ARF4: variants seen among roughly 807,000 people sequenced by gnomAD.
ARF4 encodes the protein ARF GTPase 4.
A neutral mutation model predicts 24.3 loss-of-function variants in ARF4; 5 were observed. The ratio of observed to expected loss-of-function variants is 0.21; its 90% confidence interval spans 0.11 to 0.43. ARF4 has a LOEUF of 0.43. ARF4 is among the 20% of genes least tolerant of loss of function. The pLI is 1.00. For missense variants in ARF4, 107 were observed against 213.0 expected (o/e 0.50, Z 3.10); for synonymous variants, 62 against 73.5 (o/e 0.84, Z 0.80).
intron 3 of ARF4, among the ~76,000 whole-genome samples, chr3:57,581,361 G>A (rs1213888635): frequency 6.6e-6 from 1 of 152,116 alleles, no homozygotes; most frequent in Non-Finnish European, 1.5e-5. Flanking sequence ...GTCCAAAGAG[G>A]CCAGAATTGG....
intron 4 of ARF4, 135 bp downstream of exon 4, chr3:57,577,181 T>C (rs1056726764): frequency 8.3e-6 from 6 of 726,958 alleles, no homozygotes; most frequent in Non-Finnish European, 1.4e-5. Context: ...GTGGATAATA[T>C]AGTTTCTTAA....
Position 57,597,329 on chromosome 3 carries a change from G to A in ARF4, c.-189C>T, listed in dbSNP as rs909496106. The A allele has an allele frequency of 5.7e-5, 31 of 539,704 alleles. 1 individual carries two copies. In the Admixed American group the frequency reaches 7.4e-4, roughly 13 times the overall value. The allele number at this position is 539,704 out of a possible 1,614,324, so 33.4% of individuals were successfully genotyped here. A position where few individuals can be genotyped will look rare whatever the true frequency, so the allele number is the denominator to read the frequency against. On this transcript the variant is annotated 5_prime_UTR_variant, in exon 1 of 6. Transcript: ENST00000303436. The stretch of plus-strand genomic sequence containing the variant: ...CCGGCACAGGAATAAGCCGGTAGAG[G>A]ACCTGCTAGGCGACTGGCGCGGCAG...
intron 1 of ARF4, among the ~76,000 whole-genome samples, chr3:57,589,843 A>C (rs2070086790): frequency 6.6e-6 from 1 of 152,090 alleles, no homozygotes. Context: ...CTGAAATCCC[A>C]GCACTTTAGG....
intron 4 of ARF4, among the ~76,000 whole-genome samples, chr3:57,576,459 T>TA (rs1391809724): frequency 2.0e-5 from 3 of 151,488 alleles, no homozygotes; most frequent in Admixed American, 6.6e-5. Flanking sequence ...TATGCACATT[T>TA]AAAAAGGATG....
In ARF4 at chr3:57,582,287, T is replaced by C. The variant is rs1297600519; in HGVS notation, c.258+1611A>G. On this transcript the variant is annotated intron_variant, in intron 3 of 5. Coordinates refer to ENST00000303436, the MANE Select transcript of ARF4 (RefSeq NM_001660.4). ...AGACAGAGTCTCGCTTTGTCACCCATGCTGGAGTGCAATGGTGTGATCTCG... is the reference window on the plus strand; with the variant it reads ...AGACAGAGTCTCGCTTTGTCACCCACGCTGGAGTGCAATGGTGTGATCTCG... Among the ~76,000 whole-genome samples the C allele has an allele frequency of 2.6e-5, 4 of 152,102 alleles. No homozygotes were observed. The East Asian group carries it at 7.7e-4, about 29-fold the overall frequency.
chr3:57,578,893 G>GTA (rs1559783644), intron 3 of ARF4, among the ~76,000 whole-genome samples: 15 of 151,710 alleles, frequency 9.9e-5, no homozygotes, highest in African/African-American at 3.6e-4. Context: ...CTAGAAAAGG[G>GTA]GGGGGGCAAA....
intron 3 of ARF4, among the ~76,000 whole-genome samples, chr3:57,581,194 T>C (rs1022977807): frequency 6.6e-6 from 1 of 152,210 alleles, no homozygotes. Flanking sequence ...GTTAAAGCTA[T>C]AGTTTCTTTT....
intron 1 of ARF4, among the ~76,000 whole-genome samples, chr3:57,594,452 T>C (rs1360739998): frequency 1.3e-5 from 2 of 152,214 alleles, no homozygotes; most frequent in Non-Finnish European, 1.5e-5. Flanking sequence ...CTTACCCTTA[T>C]AACTAGTACA....
At chr3:57,575,073 C>T (rs2069887330) in intron 5 of ARF4, among the ~76,000 whole-genome samples, 1 of 151,880 alleles carries the variant, frequency 6.6e-6, no homozygotes, top group Admixed American at 6.6e-5. Flanking sequence ...TGGTCTCAAA[C>T]TCCCGACCTC....
intron 1 of ARF4, among the ~76,000 whole-genome samples, chr3:57,589,102 CAAA>C (rs58218892): frequency 7.0e-6 from 1 of 142,426 alleles, no homozygotes. Flanking sequence ...AACTCCGTCT[CAAA>C]AAAAAAAAAA....
intron 3 of ARF4, among the ~76,000 whole-genome samples, chr3:57,578,738 C>G (rs955005940): frequency 4.6e-5 from 7 of 152,058 alleles, no homozygotes; most frequent in Admixed American, 3.3e-4. Context: ...CTTGGCCTCC[C>G]AAAGTGTTGG....
At chr3:57,590,696 T>G (rs1025751832) in intron 1 of ARF4, among the ~76,000 whole-genome samples, 1 of 152,174 alleles carries the variant, frequency 6.6e-6, no homozygotes, top group Non-Finnish European at 1.5e-5. Context: ...ATTTGTTTTT[T>G]GAGACAGGGT....
rs1437022878 is a variant in ARF4 at position 57,597,320 on chromosome 3, C to A, written c.-180G>T. 5.2e-6 allele frequency: 3 copies of A among 578,800 alleles called. No homozygotes were observed. Among genetic ancestry groups the A allele is most frequent in the South Asian group, 2.1e-5 (1 of 48,690 alleles). The allele number at this position is 578,800 out of a possible 1,614,324, so 35.9% of individuals were successfully genotyped here. On this transcript the variant is annotated 5_prime_UTR_variant, in exon 1 of 6. Transcript: ENST00000303436. ...GATGAAGATCCGGCACAGGAATAAGCCGGTAGAGGACCTGCTAGGCGACTG... is the reference window on the plus strand; with the variant it reads ...GATGAAGATCCGGCACAGGAATAAGACGGTAGAGGACCTGCTAGGCGACTG...
chr3:57,597,135 G>A lies in ARF4; in HGVS notation c.6C>T (p.Gly2=). M[G]LTISSLFSRL... is the part of the protein sequence containing the mutation. ...GGGAGAAGAGGGAGGAGATAGTGAGGCCCATGGCGGTAGTGGCACTTGTGA... is the reference window on the plus strand; with the variant it reads ...GGGAGAAGAGGGAGGAGATAGTGAGACCCATGGCGGTAGTGGCACTTGTGA... The change falls in exon 1 of 6, where the codon GGC becomes GGT. Residue 2 remains glycine (G), a synonymous_variant. Transcript: ENST00000303436. 2 of 1,614,038 alleles carry A rather than the reference G, an allele frequency of 1.2e-6. No individual in the cohort carries two copies. Among genetic ancestry groups the A allele is most frequent in the Middle Eastern group, 1.6e-4 (1 of 6,062 alleles).
intron 1 of ARF4, chr3:57,596,689 T>G (rs571470160): frequency 4.7e-6 from 1 of 214,178 alleles, no homozygotes; most frequent in African/African-American, 2.4e-5. Context: ...GCCTCCCTCC[T>G]GACCGCTGTC....
intron 1 of ARF4, among the ~76,000 whole-genome samples, chr3:57,588,370 G>C (rs914228858): frequency 5.3e-5 from 8 of 152,062 alleles, no homozygotes; most frequent in Non-Finnish European, 7.4e-5. Flanking sequence ...TTTGAAACCA[G>C]CCTGGTCAAC....
intron 3 of ARF4, among the ~76,000 whole-genome samples, chr3:57,580,774 C>CTTT (rs113791293): frequency 7.1e-6 from 1 of 140,744 alleles, no homozygotes. Context: ...CATTTTTATT[C>CTTT]TTTTTTTTTT....
chr3:57,575,710 C>A, intron 4 of ARF4, 37 bp from the exon 5 acceptor site: 1 of 1,564,986 alleles, frequency 6.4e-7, no homozygotes, highest in South Asian at 1.2e-5. Context: ...AACTACCAAC[C>A]GGAATCCAAT....
chr3:57,577,418 C>T lies in ARF4; in HGVS notation c.259-31G>A, dbSNP rs1338404294. 2.6e-6 allele frequency: 4 copies of T among 1,561,080 alleles called. No individual in the cohort carries two copies. The African/African-American group carries it at 4.1e-5, about 16-fold the overall frequency. ...GAAAAATTGTTTCAGTAAATTTTAA[C>T]AGTTAAACGACACTCTCTATATGAA... On this transcript the variant is annotated intron_variant, in intron 3 of 5. Coordinates refer to ENST00000303436, the MANE Select transcript of ARF4 (RefSeq NM_001660.4).
Sources: allele counts gnomAD v4.1 joint callset (sites outside exome capture counted in the v4.1 genomes callset), GRCh38; gene constraint gnomAD v4.1.1; transcripts MANE v1.5; gene names NCBI Gene and HGNC (gene_info 2026-07-23, HGNC 2026-07-21).